The following SLIT2 variants were observed in gnomAD, a reference collection of about 807,000 sequenced individuals.
The protein encoded by SLIT2 is slit homolog 2 protein.
A neutral mutation model predicts 185.7 loss-of-function variants in SLIT2; 41 were observed. That is an observed-to-expected ratio of 0.22 (90% CI 0.17 to 0.29). The LOEUF (loss-of-function observed/expected upper bound fraction) is 0.29. SLIT2 is among the 10% of genes least tolerant of loss of function. The pLI is 1.00. For missense variants in SLIT2, 1,571 were observed against 1,909.0 expected (o/e 0.82, Z 3.30); for synonymous variants, 693 against 680.2 (o/e 1.02, Z -0.29).
chr4:20,390,602 T>C (rs926432967), intron 4 of SLIT2, among the ~76,000 whole-genome samples: 1 of 152,086 alleles, frequency 6.6e-6, no homozygotes, highest in Non-Finnish European at 1.5e-5. Context: ...GAATGACTAG[T>C]TTCCTTTTTT....
chr4:20,552,396 AT>A (rs1723843455), intron 25 of SLIT2: 1 of 149,670 alleles, frequency 6.7e-6, no homozygotes, highest in African/African-American at 2.4e-5. Context: ...ATATAAAGAA[AT>A]TTTATATTTT....
chr4:20,284,938 G>A (rs1001223112), intron 4 of SLIT2, among the ~76,000 whole-genome samples: 4 of 152,240 alleles, frequency 2.6e-5, no homozygotes, highest in Admixed American at 2.6e-4. Flanking sequence ...GTTTCTAAGG[G>A]ATAGCTTACA....
intron 4 of SLIT2, among the ~76,000 whole-genome samples, chr4:20,425,676 T>C (rs1728506429): frequency 6.6e-6 from 1 of 152,208 alleles, no homozygotes; most frequent in African/African-American, 2.4e-5. Context: ...TCTTAATACA[T>C]AGAAATTCCT....
At chr4:20,608,444 T>G (rs1474633938) in intron 33 of SLIT2, among the ~76,000 whole-genome samples, 1 of 152,154 alleles carries the variant, frequency 6.6e-6, no homozygotes, top group African/African-American at 2.4e-5. Context: ...AATAATTTTC[T>G]GGTCTATTTT....
intron 4 of SLIT2, among the ~76,000 whole-genome samples, chr4:20,289,919 A>C (rs1398809217): frequency 6.6e-6 from 1 of 152,134 alleles, no homozygotes; most frequent in African/African-American, 2.4e-5. Context: ...CTACAGCTTC[A>C]TCTTGCTTTC....
intron 3 of SLIT2, among the ~76,000 whole-genome samples, chr4:20,258,397 TAC>T (rs1712085761): frequency 6.6e-6 from 1 of 151,826 alleles, no homozygotes; most frequent in Admixed American, 6.6e-5. Flanking sequence ...AATAAAGATT[TAC>T]TTTTTTATAT....
intron 30 of SLIT2, among the ~76,000 whole-genome samples, chr4:20,594,303 ATG>A (rs978804329): frequency 1.3e-5 from 2 of 151,054 alleles, no homozygotes; most frequent in East Asian, 3.9e-4. Context: ...ATATATATAT[ATG>A]TGTGTGTATA....
intron 15 of SLIT2, among the ~76,000 whole-genome samples, chr4:20,526,686 G>A (rs563096728): frequency 2.8e-4 from 42 of 152,110 alleles, no homozygotes; most frequent in Admixed American, 2.6e-3. Flanking sequence ...AATAGGATTT[G>A]GAAATTATCT....
In SLIT2 at chr4:20,396,366, A is replaced by G. The variant is rs1725889597; in HGVS notation, c.396-71386A>G. ...AATCATATAGCTCATTAATGTTCAG[A>G]TATTTTTCTCCACTACCACAAGACT... On this transcript the variant is annotated intron_variant, in intron 4 of 36. Transcript: ENST00000504154. 2.0e-5 allele frequency among the ~76,000 whole-genome samples: 3 copies of G among 151,934 alleles called. No homozygotes were observed. In the South Asian group the frequency reaches 6.2e-4, roughly 32 times the overall value.
At chr4:20,284,134 C>A (rs569091755) in intron 4 of SLIT2, among the ~76,000 whole-genome samples, 3 of 152,272 alleles carry the variant, frequency 2.0e-5, no homozygotes, top group African/African-American at 7.2e-5. Context: ...AACTTGCTGC[C>A]ATTCAGAGAA....
chr4:20,450,044 CT>C (rs1195367433), intron 4 of SLIT2, among the ~76,000 whole-genome samples: 5 of 152,006 alleles, frequency 3.3e-5, no homozygotes, highest in African/African-American at 1.2e-4. Context: ...AACCTGCATT[CT>C]TTTTTTCAGT....
chr4:20,569,936 T>G (rs1333126685), intron 29 of SLIT2, among the ~76,000 whole-genome samples: 2 of 152,114 alleles, frequency 1.3e-5, no homozygotes, highest in Non-Finnish European at 2.9e-5. Flanking sequence ...ACATGAAAGA[T>G]GAACATACAT....
intron 5 of SLIT2, among the ~76,000 whole-genome samples, chr4:20,477,633 T>C (rs1021250469): frequency 1.3e-5 from 2 of 152,140 alleles, no homozygotes; most frequent in Non-Finnish European, 2.9e-5. Context: ...AAAGGGAAGA[T>C]TGGAGTCAGC....
chr4:20,426,481 A>G (rs1291983654), intron 4 of SLIT2, among the ~76,000 whole-genome samples: 3 of 152,210 alleles, frequency 2.0e-5, no homozygotes, highest in Admixed American at 6.5e-5. Flanking sequence ...GTGTTATCCA[A>G]TCACAGATGA....
At chr4:20,446,817 AATAG>A (rs1266404940) in intron 4 of SLIT2, among the ~76,000 whole-genome samples, 1 of 152,196 alleles carries the variant, frequency 6.6e-6, no homozygotes, top group African/African-American at 2.4e-5. Context: ...ACTTCATCAA[AATAG>A]ATAGATGTTC....
At chr4:20,425,616 A>G (rs986688993) in intron 4 of SLIT2, among the ~76,000 whole-genome samples, 4 of 152,170 alleles carry the variant, frequency 2.6e-5, no homozygotes, top group African/African-American at 9.7e-5. Context: ...TAAAAATATT[A>G]TTTTCCAAAT....
At chr4:20,404,349 A>G (rs1323373954) in intron 4 of SLIT2, among the ~76,000 whole-genome samples, 11 of 151,900 alleles carry the variant, frequency 7.2e-5, no homozygotes, top group Non-Finnish European at 1.5e-4. Context: ...GAAGAGTAGC[A>G]TAGTCATTAT....
intron 31 of SLIT2, 63 bp from the exon 32 acceptor site, chr4:20,596,352 C>T: frequency 5.4e-6 from 8 of 1,490,346 alleles, no homozygotes; most frequent in Non-Finnish European, 7.4e-6. Flanking sequence ...ATACAGCTCT[C>T]AATTCAGATT....
chr4:20,355,456 G>T (rs1722240369), intron 4 of SLIT2, among the ~76,000 whole-genome samples: 1 of 152,144 alleles, frequency 6.6e-6, no homozygotes, highest in Non-Finnish European at 1.5e-5. Flanking sequence ...TCCATTAGTA[G>T]AATTCTTTCC....
Sources: allele counts gnomAD v4.1 joint callset (sites outside exome capture counted in the v4.1 genomes callset), GRCh38; gene constraint gnomAD v4.1.1; transcripts MANE v1.5; gene names NCBI Gene and HGNC (gene_info 2026-07-23, HGNC 2026-07-21).